The following PIK3AP1 variants were observed in gnomAD, a reference collection of about 807,000 sequenced individuals.
PIK3AP1 encodes the protein phosphoinositide 3-kinase adapter protein 1.
PIK3AP1 carries 21 observed loss-of-function variants against 88.1 expected under a neutral mutation model. That is an observed-to-expected ratio of 0.24 (90% CI 0.17 to 0.34). The LOEUF (loss-of-function observed/expected upper bound fraction) is 0.34. PIK3AP1 is among the 10% of genes least tolerant of loss of function. PIK3AP1 has a pLI of 1.00. For missense variants in PIK3AP1, 828 were observed against 1,035.7 expected, an observed-to-expected ratio of 0.80 and a Z score of 2.75; for synonymous variants, 398 against 400.0, an observed-to-expected ratio of 1.00 and a Z score of 0.06.
chr10:96,707,845 G>C (rs1426622860), intron 2 of PIK3AP1, among the ~76,000 whole-genome samples: 2 of 152,144 alleles, frequency 1.3e-5, no homozygotes, highest in African/African-American at 2.4e-5. Flanking sequence ...TTCTATCATT[G>C]TCTTTCTAAC....
At chr10:96,662,318 A>T (rs1187997958) in intron 2 of PIK3AP1, among the ~76,000 whole-genome samples, 1 of 152,220 alleles carries the variant, frequency 6.6e-6, no homozygotes, top group Non-Finnish European at 1.5e-5. Flanking sequence ...TAGATAAATA[A>T]GGCCGGGCGC....
chr10:96,712,966 T>C (rs542555928), intron 1 of PIK3AP1, among the ~76,000 whole-genome samples: 1 of 152,306 alleles, frequency 6.6e-6, no homozygotes, highest in South Asian at 2.1e-4. Context: ...ATACTAGTGA[T>C]GAAGAAACCA....
At chr10:96,623,082 C>T (rs1458008396) in intron 11 of PIK3AP1, among the ~76,000 whole-genome samples, 1 of 152,066 alleles carries the variant, frequency 6.6e-6, no homozygotes, top group Non-Finnish European at 1.5e-5. Flanking sequence ...GTCCTTTGTA[C>T]GACCAATTTG....
At position 96,623,454 on chromosome 10, in the gene PIK3AP1, A is replaced by G; in HGVS notation, c.1735+18T>C. The G allele has an allele frequency of 1.3e-6, 2 of 1,595,826 alleles. No individual in the cohort carries two copies. The highest frequency in any genetic ancestry group is 1.3e-5 in the African/African-American group (1 of 74,598). On this transcript the variant is annotated intron_variant, in intron 11 of 16. Transcript: ENST00000339364. ...CTTCAACCACACAAAAGTTCAGTTC[A>G]TATAACACATGGCTTACCTTTCCTG...
intron 14 of PIK3AP1, among the ~76,000 whole-genome samples, chr10:96,608,516 G>A (rs1267269086): frequency 6.6e-6 from 1 of 152,198 alleles, no homozygotes; most frequent in Non-Finnish European, 1.5e-5. Context: ...AAGGAGCTAG[G>A]ATCTACTCGC....
chr10:96,598,130 A>ACCTT (rs1327962869), intron 16 of PIK3AP1, among the ~76,000 whole-genome samples: 3 of 149,198 alleles, frequency 2.0e-5, no homozygotes, highest in Non-Finnish European at 3.0e-5. Flanking sequence ...TACAGCCTCA[A>ACCTT]ACTCCCAGGC....
chr10:96,662,288 G>A (rs1353678269), intron 2 of PIK3AP1, among the ~76,000 whole-genome samples: 1 of 152,102 alleles, frequency 6.6e-6, no homozygotes, highest in African/African-American at 2.4e-5. Context: ...TATAAATAGA[G>A]ACACATTTTC....
At chr10:96,641,129 G>A (rs1843383543) in intron 8 of PIK3AP1, among the ~76,000 whole-genome samples, 1 of 150,080 alleles carries the variant, frequency 6.7e-6, no homozygotes, top group African/African-American at 2.4e-5. Flanking sequence ...GTGTGTGCGT[G>A]TGCATGTATA....
At chr10:96,647,341 G>T (rs963419060) in intron 7 of PIK3AP1, among the ~76,000 whole-genome samples, 43 of 152,188 alleles carry the variant, frequency 2.8e-4, no homozygotes, top group African/African-American at 1.0e-3. Flanking sequence ...CTTTTGTAAA[G>T]TAAGGCTTGC....
chr10:96,603,909 C>A, intron 15 of PIK3AP1, 70 bp downstream of exon 15: 1 of 1,384,410 alleles, frequency 7.2e-7, no homozygotes. Context: ...CTCCTTTCAC[C>A]TGGGTTTCTA....
chr10:96,649,000 C>A (rs767701558), intron 6 of PIK3AP1, 145 bp from the exon 7 acceptor site: 5 of 629,540 alleles, frequency 7.9e-6, no homozygotes, highest in Non-Finnish European at 1.3e-5. Context: ...TAACATCTAA[C>A]AGCTTCCTTC....
chr10:96,709,316 C>A (rs1450067054), intron 2 of PIK3AP1, among the ~76,000 whole-genome samples: 1 of 151,956 alleles, frequency 6.6e-6, no homozygotes, highest in Non-Finnish European at 1.5e-5. Flanking sequence ...TTCCAAGGCA[C>A]AGAAAATTCT....
rs1390335815 is a variant in PIK3AP1, at chr10:96,700,485, C to G, written c.430+9082G>C. Among the ~76,000 whole-genome samples the G allele has an allele frequency of 3.3e-5, 5 of 152,210 alleles. No individual in the cohort carries two copies. In the East Asian group the frequency reaches 9.6e-4, roughly 29 times the overall value. On this transcript the variant is annotated intron_variant, in intron 2 of 16. Transcript: ENST00000339364. ...GGGGAAACCCCAAGTGACTCTTGGA[C>G]AGGCTGTAGCTTTTTAGTGACATTG...
rs978943939 is a variant in PIK3AP1, at chr10:96,594,230, CT to C, written c.*1346del. 4 of 152,156 alleles carry C rather than the reference CT, an allele frequency of 2.6e-5. No homozygotes were observed. Among genetic ancestry groups the C allele is most frequent in the Non-Finnish European group, 4.4e-5 (3 of 68,034 alleles). 9.4% of individuals were successfully genotyped at this position (152,156 alleles called of 1,614,324 possible). Reference sequence around the variant, plus strand: ...TAAAAAATAGATAACTACAGTCGTACTTTGGTATCCATGGGGGATTGGTTCC... The same window carrying C: ...TAAAAAATAGATAACTACAGTCGTACTTGGTATCCATGGGGGATTGGTTCC... On this transcript the variant is annotated 3_prime_UTR_variant, in exon 17 of 17. Transcript: ENST00000339364. The surrounding 1 kb of genome is among the most constrained non-coding windows in gnomAD (Gnocchi z 4.6).
At chr10:96,652,303 C>G (rs1048354358) in intron 4 of PIK3AP1, among the ~76,000 whole-genome samples, 3 of 152,094 alleles carry the variant, frequency 2.0e-5, no homozygotes, top group Non-Finnish European at 2.9e-5. Context: ...AGCTGGGTGC[C>G]GTGGCTCACG....
chr10:96,635,379 C>T (rs1293236902), intron 8 of PIK3AP1, among the ~76,000 whole-genome samples: 1 of 152,162 alleles, frequency 6.6e-6, no homozygotes, highest in African/African-American at 2.4e-5. Flanking sequence ...TCTAGATGTG[C>T]ACTGCCTTAA....
At chr10:96,688,292 G>T (rs2134270829) in intron 2 of PIK3AP1, among the ~76,000 whole-genome samples, 1 of 152,294 alleles carries the variant, frequency 6.6e-6, no homozygotes, top group Non-Finnish European at 1.5e-5. Context: ...TGATAGTAAA[G>T]GGGGTTGGTG....
At chr10:96,601,476 A>AAAG (rs1246030091) in intron 16 of PIK3AP1, among the ~76,000 whole-genome samples, 1 of 150,272 alleles carries the variant, frequency 6.7e-6, no homozygotes, top group Middle Eastern at 3.4e-3. Context: ...TCTATCTCAA[A>AAAG]AAAAAAAAAA....
intron 10 of PIK3AP1, among the ~76,000 whole-genome samples, chr10:96,625,530 G>A (rs540934623): frequency 6.6e-6 from 1 of 152,152 alleles, no homozygotes; most frequent in Admixed American, 6.5e-5. Context: ...AAAAATGTGT[G>A]TACTATTTGG....
Sources: allele counts gnomAD v4.1 joint callset (sites outside exome capture counted in the v4.1 genomes callset), GRCh38; gene constraint gnomAD v4.1.1; non-coding constraint Gnocchi (gnomAD v3.1); transcripts MANE v1.5; gene names NCBI Gene and HGNC (gene_info 2026-07-23, HGNC 2026-07-21).